The following ZFP69B variants were observed in gnomAD, a reference collection of about 807,000 sequenced individuals.
ZFP69B encodes ZFP69 zinc finger protein B.
ZFP69B carries 20 observed loss-of-function variants against 19.7 expected under a neutral mutation model. That is an observed-to-expected ratio of 1.02 (90% confidence interval 0.71 to 1.48). The LOEUF (loss-of-function observed/expected upper bound fraction) is 1.48. ZFP69B is among the 40% of genes most tolerant of loss of function. ZFP69B has a pLI of 0.00. For missense variants in ZFP69B, 583 were observed against 632.6 expected (o/e 0.92, Z 0.84); for synonymous variants, 220 against 222.7 (o/e 0.99, Z 0.11).
At position 40,463,030 on chromosome 1, in the gene ZFP69B, C is replaced by A; in HGVS notation, c.1046C>A (p.Ser349Ter). 1 of 1,613,986 alleles carries A rather than the reference C, an allele frequency of 6.2e-7. No homozygotes were observed. Among genetic ancestry groups the A allele is most frequent in the Non-Finnish European group, 8.5e-7 (1 of 1,179,994 alleles). ...GGGAAAACCTTCAGACATCCTTCAT[C>A]GCTTACTCAACATGTTAGAATTCAT... ...ECGKTFRHPS[S>*]LTQHVRIHTG... The change falls in exon 5 of 5, where the codon TCG becomes TAG. Residue 349 changes from serine (S) to a stop codon, truncating the protein, a stop_gained. Coordinates refer to ENST00000361584, the MANE Select transcript of ZFP69B (RefSeq NM_023070.3). LOFTEE classifies it low-confidence loss of function (END_TRUNC).
chr1:40,458,632 T>A (rs1309972589), intron 4 of ZFP69B, among the ~76,000 whole-genome samples: 2 of 151,690 alleles, frequency 1.3e-5, no homozygotes, highest in Non-Finnish European at 2.9e-5. Flanking sequence ...TTCTCCTACC[T>A]CAGCCTCCCA....
Position 40,463,211 on chromosome 1 carries a change from TGA to T in ZFP69B, c.1230_1231del (p.Glu410AspfsTer12), listed in dbSNP as rs781564928. On this transcript the variant is annotated frameshift_variant, in exon 5 of 5. Transcript: ENST00000361584. LOFTEE classifies it low-confidence loss of function (END_TRUNC). ...TCCAGATTAGACACCTTAGGCAACA[TGA>T]GATTATTCATACTGGTGTGAAACCC... ...FFQIRHLRQH[E>X]IIHTGVKPYI... 8.1e-6 allele frequency: 13 copies of T among 1,612,092 alleles called. No individual in the cohort carries two copies. In the East Asian group the frequency reaches 2.7e-4, roughly 33 times the overall value.
At chr1:40,459,895 T>A (rs1422127402) in intron 4 of ZFP69B, among the ~76,000 whole-genome samples, 1 of 152,102 alleles carries the variant, frequency 6.6e-6, no homozygotes, top group Non-Finnish European at 1.5e-5. Context: ...GTGCTTTAGG[T>A]TGGCAGAGCC....
At position 40,457,459 on chromosome 1, in the gene ZFP69B, G is replaced by C. The variant is rs1411990760; in HGVS notation, c.436+20G>C. On this transcript the variant is annotated intron_variant, in intron 4 of 4. Transcript: ENST00000361584. ...GTTCAGGTAAGTGCAAGGCAGGTGG[G>C]GCCTTTGTGATGTTAGCCAGAGAAT... 1 of 1,606,352 alleles carries C rather than the reference G, an allele frequency of 6.2e-7. No individual in the cohort carries two copies.
At chr1:40,459,616 C>G (rs888892867) in intron 4 of ZFP69B, among the ~76,000 whole-genome samples, 10 of 152,190 alleles carry the variant, frequency 6.6e-5, no homozygotes, top group African/African-American at 2.2e-4. Flanking sequence ...ACTCAACTTT[C>G]TAGTTGCATT....
chr1:40,454,072 C>T (rs1032288803), intron 1 of ZFP69B, 131 bp from the exon 2 acceptor site: 110 of 491,828 alleles, frequency 2.2e-4, no homozygotes, highest in Middle Eastern at 1.1e-3. Flanking sequence ...TTGAGCTGCT[C>T]TTGAGTCCGT....
At position 40,456,988 on chromosome 1, in the gene ZFP69B, AG is replaced by A. The variant is rs1393005991; in HGVS notation, c.259del (p.Glu87SerfsTer16). The A allele has an allele frequency of 1.9e-6, 3 of 1,613,972 alleles. No homozygotes were observed. The highest frequency in any genetic ancestry group is 3.3e-5 in the Admixed American group (2 of 59,994). ...GACGTATCTGTGGACTTCACTCAGG[AG>A]GAGTGGGGGCAGCTGGCCCCTGCTC... ...FKDVSVDFTQ[E>X]EWGQLAPAHR... On this transcript the variant is annotated frameshift_variant, in exon 3 of 5. Coordinates refer to ENST00000361584, the MANE Select transcript of ZFP69B (RefSeq NM_023070.3). LOFTEE classifies it high-confidence loss of function.
chr1:40,452,687 T>C (rs1645196524), intron 1 of ZFP69B, among the ~76,000 whole-genome samples: 1 of 152,202 alleles, frequency 6.6e-6, no homozygotes, highest in Admixed American at 6.5e-5. Flanking sequence ...AATCTGAATA[T>C]GGACTGAATA....
At position 40,457,050 on chromosome 1, in the gene ZFP69B, T is replaced by C; in HGVS notation, c.319T>C (p.Tyr107His). Residue 107 changes from tyrosine (Y) to histidine (H), a missense_variant, in exon 3 of 5, where the codon TAT becomes CAT. Physicochemically the swap from Tyr to His is moderately conservative, Grantham distance 83. Transcript: ENST00000361584. ...GTACCGGGAGGTGATGCTGGAGAAC[T>C]ATGGGAACCTGGTCTCAGTGGGTAA... ...NLYREVMLEN[Y>H]GNLVSVGCQL... is the part of the protein sequence containing the mutation. 6.2e-7 allele frequency: 1 copy of C among 1,608,258 alleles called. No homozygotes were observed.
upstream of ZFP69B, chr1:40,450,122 GA>G (rs1265853300): frequency 7.2e-5 from 11 of 152,454 alleles, no homozygotes; most frequent in African/African-American, 2.6e-4. Flanking sequence ...CGCAGTGCCG[GA>G]ACCCGGCTGC....
rs772115999 is a variant in ZFP69B, at chr1:40,457,352, C to T, written c.349C>T (p.Leu117Phe). 9.3e-6 allele frequency: 15 copies of T among 1,614,124 alleles called. No individual in the cohort carries two copies. Among genetic ancestry groups the T allele is most frequent in the Non-Finnish European group, 1.2e-5 (14 of 1,179,982 alleles). Residue 117 changes from leucine (L) to phenylalanine (F), a missense_variant, in exon 4 of 5, where the codon CTT (leucine) becomes TTT (phenylalanine). By Grantham distance (22) the Leu-to-Phe change is conservative (BLOSUM62 0). Transcript: ENST00000361584. ...TTCTTCCCCATAAGCAGGATGTCAG[C>T]TTTCCAAACCTGGCGTGATTTCCCA... Reference protein sequence around the residue: ...YGNLVSVGCQLSKPGVISQLE... With the variant: ...YGNLVSVGCQFSKPGVISQLE...
At position 40,456,984 on chromosome 1, in the gene ZFP69B, C is replaced by T; in HGVS notation, c.253C>T (p.Gln85Ter). 6.2e-7 allele frequency: 1 copy of T among 1,613,964 alleles called. No individual in the cohort carries two copies. Among genetic ancestry groups the T allele is most frequent in the Non-Finnish European group, 8.5e-7 (1 of 1,179,872 alleles). ...TFKDVSVDFT[Q>*]EEWGQLAPAH... ...CAAGGACGTATCTGTGGACTTCACT[C>T]AGGAGGAGTGGGGGCAGCTGGCCCC... Residue 85 changes from glutamine to a stop codon, truncating the protein, a stop_gained, in exon 3 of 5, where the codon CAG (glutamine) becomes TAG (stop). Transcript: ENST00000361584. LOFTEE classifies it high-confidence loss of function.
At chr1:40,459,488 C>T (rs1391127386) in intron 4 of ZFP69B, among the ~76,000 whole-genome samples, 1 of 152,150 alleles carries the variant, frequency 6.6e-6, no homozygotes. Flanking sequence ...GTTTTCTACT[C>T]TGTTTTTCCC....
rs1645309356 is a variant in ZFP69B, at chr1:40,463,271, C to T, written c.1287C>T (p.Ser429=). 1 of 1,614,048 alleles carries T rather than the reference C, an allele frequency of 6.2e-7. No homozygotes were observed. Among genetic ancestry groups the T allele is most frequent in the Non-Finnish European group, 8.5e-7 (1 of 1,179,990 alleles). The change falls in exon 5 of 5, where the codon AGC becomes AGT. Residue 429 remains serine, a synonymous_variant. Transcript: ENST00000361584. ...GTAATGTATGTAGTAAAACCTTCAG[C>T]CATAGTACATACCTAACTCAACACC... ...YICNVCSKTF[S]HSTYLTQHQR... is the part of the protein sequence containing the mutation.
chr1:40,463,696 T>TAA lies in ZFP69B; in HGVS notation c.*115_*116dup. Reference sequence around the variant, plus strand: ...TTTTTGGATTTCCAAAAACGAACATTAAAAAAAAATGGTTTGGCACAATGT... The same window carrying TAA: ...TTTTTGGATTTCCAAAAACGAACATTAAAAAAAAAAATGGTTTGGCACAATGT... On this transcript the variant is annotated 3_prime_UTR_variant, in exon 5 of 5. Transcript: ENST00000361584. The TAA allele has an allele frequency of 2.0e-6, 2 of 1,024,184 alleles. No individual in the cohort carries two copies. The highest frequency in any genetic ancestry group is 2.8e-6 in the Non-Finnish European group (2 of 727,080). The allele number at this position is 1,024,184 out of a possible 1,614,324, so 63.4% of individuals were successfully genotyped here. A position where few individuals can be genotyped will look rare whatever the true frequency, so the allele number is the denominator to read the frequency against.
intron 4 of ZFP69B, among the ~76,000 whole-genome samples, chr1:40,460,698 A>G (rs1645274265): frequency 6.6e-6 from 1 of 151,684 alleles, no homozygotes; most frequent in African/African-American, 2.4e-5. Flanking sequence ...TACAAAAATT[A>G]GCAGCTGGGC....
At position 40,457,334 on chromosome 1, in the gene ZFP69B, C is replaced by T. The variant is rs756484974; in HGVS notation, c.341-10C>T. The T allele has an allele frequency of 1.2e-5, 20 of 1,613,722 alleles. 1 individual carries two copies. In the East Asian group the frequency reaches 4.2e-4, roughly 34 times the overall value. On this transcript the variant is annotated splice_polypyrimidine_tract_variant and intron_variant, in intron 3 of 4. Transcript: ENST00000361584. ...CTCAGCATATACAGTCTTTTCTTCC[C>T]CATAAGCAGGATGTCAGCTTTCCAA...
At position 40,463,493 on chromosome 1, in the gene ZFP69B, T is replaced by C. The variant is rs1344815898; in HGVS notation, c.1509T>C (p.Tyr503=). 3 of 1,614,058 alleles carry C rather than the reference T, an allele frequency of 1.9e-6. No individual in the cohort carries two copies. Among genetic ancestry groups the C allele is most frequent in the Non-Finnish European group, 2.5e-6 (3 of 1,180,026 alleles). The change falls in exon 5 of 5, where the codon TAT becomes TAC. Residue 503 remains tyrosine, a synonymous_variant. Coordinates refer to ENST00000361584, the MANE Select transcript of ZFP69B (RefSeq NM_023070.3). The part of the protein sequence containing the change: ...HQRIHTGEKP[Y]DCNECGKAFS... ...GAATTCATACTGGAGAAAAACCTTA[T>C]GATTGTAATGAGTGTGGAAAAGCCT...
chr1:40,450,986 C>G lies in ZFP69B; in HGVS notation c.25C>G (p.Leu9Val), dbSNP rs1569964309. 6.4e-7 allele frequency: 1 copy of G among 1,550,808 alleles called. No individual in the cohort carries two copies. The highest frequency in any genetic ancestry group is 2.5e-5 in the East Asian group (1 of 40,754). ...CATGCTGCAGCAGCTCCTGATCACCCTGCCCACCGAGGCCAGCACCTGGGT... is the reference window on the plus strand; with the variant it reads ...CATGCTGCAGCAGCTCCTGATCACCGTGCCCACCGAGGCCAGCACCTGGGT... MLQQLLIT[L>V]PTEASTWVKL... Residue 9 changes from leucine to valine, a missense_variant, in exon 1 of 5, where the codon CTG becomes GTG. Physicochemically the swap from Leu to Val is conservative, Grantham distance 32 (BLOSUM62 1). Coordinates refer to ENST00000361584, the MANE Select transcript of ZFP69B (RefSeq NM_023070.3).
Sources: gnomAD v4.1 joint callset for allele counts (sites outside exome capture counted in the v4.1 genomes callset) on GRCh38, gnomAD v4.1.1 for gene constraint, MANE v1.5 for transcripts, NCBI Gene and HGNC (gene_info 2026-07-23, HGNC 2026-07-21) for gene names.